The following CEACAM5 variants were observed in gnomAD, a reference collection of about 807,000 sequenced individuals.
CEACAM5 encodes cell adhesion molecule CEACAM5.
A neutral mutation model predicts 63.0 loss-of-function variants in CEACAM5; 52 were observed. That is an observed-to-expected ratio of 0.83 (90% confidence interval 0.66 to 1.04). The LOEUF (loss-of-function observed/expected upper bound fraction) is 1.04, where lower values mean the gene tolerates loss of function less well. CEACAM5 is among the 50% of genes least tolerant of loss of function. The pLI is 0.00. For synonymous variants in CEACAM5, 357 were observed against 351.3 expected, an observed-to-expected ratio of 1.02 and a Z score of -0.18; for missense variants, 790 against 864.8, an observed-to-expected ratio of 0.91 and a Z score of 1.08.
At position 41,718,220 on chromosome 19, in the gene CEACAM5, C is replaced by T. The variant is rs2072559856; in HGVS notation, c.1330C>T (p.Pro444Ser). The T allele has an allele frequency of 2.5e-6, 4 of 1,614,208 alleles. No homozygotes were observed. The highest frequency in any genetic ancestry group is 3.4e-6 in the Non-Finnish European group (4 of 1,180,034). ...CTCCTGCCATGCAGCCTCTAACCCA[C>T]CTGCACAGTATTCTTGGCTGATTGA... ...SLSCHAASNP[P>S]AQYSWLIDGN... The change falls in exon 6 of 10, where the codon CCT becomes TCT. Residue 444 changes from proline (P) to serine (S), a missense_variant. Coordinates refer to ENST00000221992, the MANE Select transcript of CEACAM5 (RefSeq NM_004363.6).
At chr19:41,713,324 AAAG>A (rs2072467129) in intron 2 of CEACAM5, among the ~76,000 whole-genome samples, 1 of 152,184 alleles carries the variant, frequency 6.6e-6, no homozygotes, top group Admixed American at 6.5e-5. Flanking sequence ...AAAAGAAAGA[AAAG>A]AAAAGAAAAA....
rs377584490 is a variant in CEACAM5, at chr19:41,709,917, T to C, written c.302T>C (p.Ile101Thr). 6.2e-7 allele frequency: 1 copy of C among 1,613,936 alleles called. No homozygotes were observed. Among genetic ancestry groups the C allele is most frequent in the Admixed American group, 1.7e-5 (1 of 60,000 alleles). Reference protein sequence around the residue: ...PGPAYSGREIIYPNASLLIQN... With the variant: ...PGPAYSGREITYPNASLLIQN... ...CCCGCATACAGTGGTCGAGAGATAA[T>C]ATACCCCAATGCATCCCTGCTGATC... Residue 101 changes from isoleucine (I) to threonine (T), a missense_variant, in exon 2 of 10, where the codon ATA (isoleucine) becomes ACA (threonine). Ile to Thr is a moderately conservative substitution (Grantham distance 89, BLOSUM62 -1). Coordinates refer to ENST00000221992, the MANE Select transcript of CEACAM5 (RefSeq NM_004363.6).
rs374912406 is a variant in CEACAM5 at position 41,715,891 on chromosome 19, G to A, written c.945G>A (p.Thr315=). The change falls in exon 4 of 10, where the codon ACG becomes ACA. Residue 315 remains threonine (T), a synonymous_variant. Transcript: ENST00000221992. ...GCCTCAATAGGACCACAGTCACGACGATCACAGTCTATGGTAAGTGGATCC... is the reference window on the plus strand; with the variant it reads ...GCCTCAATAGGACCACAGTCACGACAATCACAGTCTATGGTAAGTGGATCC... ...DTGLNRTTVT[T]ITVYAEPPKP... is the part of the protein sequence containing the mutation. 1.9e-5 allele frequency: 30 copies of A among 1,613,978 alleles called. No homozygotes were observed. In the African/African-American group the frequency reaches 2.4e-4, roughly 13 times the overall value.
chr19:41,721,329 G>C (rs1434443866), intron 8 of CEACAM5, among the ~76,000 whole-genome samples, 153 bp downstream of exon 8: 1 of 152,144 alleles, frequency 6.6e-6, no homozygotes, highest in South Asian at 2.1e-4. Context: ...ACTCCATCTC[G>C]GCCAACTCTC....
chr19:41,721,845 G>A (rs554205178), intron 8 of CEACAM5, among the ~76,000 whole-genome samples: 115 of 152,366 alleles, frequency 7.5e-4, no homozygotes, highest in Middle Eastern at 6.8e-3. Flanking sequence ...AGACTCCTGA[G>A]CTGTGTCCTG....
intron 6 of CEACAM5, among the ~76,000 whole-genome samples, chr19:41,718,662 G>A (rs1479147584): frequency 6.6e-6 from 1 of 152,234 alleles, no homozygotes; most frequent in East Asian, 1.9e-4. Flanking sequence ...AGAGGGGGAA[G>A]CAAGAAGGGT....
chr19:41,723,158 T>C (rs8106491), intron 8 of CEACAM5, among the ~76,000 whole-genome samples: 58,989 of 151,652 alleles, frequency 0.39, 12,664 homozygotes, highest in African/African-American at 0.58. Context: ...GTGATCCGCC[T>C]GCCTTGGCCT....
chr19:41,710,552 G>A (rs1259301185), intron 2 of CEACAM5, among the ~76,000 whole-genome samples: 3 of 152,152 alleles, frequency 2.0e-5, no homozygotes, highest in East Asian at 1.9e-4. Flanking sequence ...ATGCAGAATC[G>A]GACTTTCTGG....
chr19:41,717,721 C>T lies in CEACAM5; in HGVS notation c.1225C>T (p.Leu409=), dbSNP rs371025997. ...LSVDHSDPVI[L]NVLYGPDDPT... The stretch of plus-strand genomic sequence containing the variant: ...TGTTGACCACAGCGACCCAGTCATC[C>T]TGAATGTCCTCTGTGAGTATCTTCT... Residue 409 remains leucine, a synonymous_variant, in exon 5 of 10, where the codon CTG becomes TTG. Coordinates refer to ENST00000221992, the MANE Select transcript of CEACAM5 (RefSeq NM_004363.6). 5.0e-6 allele frequency: 8 copies of T among 1,613,816 alleles called. No homozygotes were observed. The highest frequency in any genetic ancestry group is 1.3e-5 in the African/African-American group (1 of 74,928).
At chr19:41,716,343 G>C (rs1207221168) in intron 4 of CEACAM5, among the ~76,000 whole-genome samples, 1 of 152,220 alleles carries the variant, frequency 6.6e-6, no homozygotes, top group Non-Finnish European at 1.5e-5. Context: ...GAAGCCCCTT[G>C]GGTGAGGGAG....
chr19:41,715,566 A>T, intron 3 of CEACAM5, 84 bp from the exon 4 acceptor site: 1 of 1,534,326 alleles, frequency 6.5e-7, no homozygotes, highest in Non-Finnish European at 9.0e-7. Flanking sequence ...TTCAGCTTAG[A>T]GGGACACTGT....
chr19:41,716,710 G>T (rs75627622), intron 4 of CEACAM5, among the ~76,000 whole-genome samples: 2,392 of 152,312 alleles, frequency 0.016, 62 homozygotes, highest in African/African-American at 0.053. Context: ...GCAGGGAATG[G>T]CAGTGTCAAA....
chr19:41,727,174 C>A, intron 8 of CEACAM5, 60 bp from the exon 9 acceptor site: 2 of 1,250,942 alleles, frequency 1.6e-6, no homozygotes, highest in Admixed American at 3.4e-5. Flanking sequence ...CTGGGGCACC[C>A]CACTGTAAAA....
In CEACAM5 at chr19:41,717,706, A is replaced by G. The variant is rs1230182712; in HGVS notation, c.1210A>G (p.Ser404Gly). 6.2e-7 allele frequency: 1 copy of G among 1,614,086 alleles called. No homozygotes were observed. The highest frequency in any genetic ancestry group is 8.5e-7 in the Non-Finnish European group (1 of 1,180,034). Reference sequence around the variant, plus strand: ...CCAGAACGAATTAAGTGTTGACCACAGCGACCCAGTCATCCTGAATGTCCT... The same window carrying G: ...CCAGAACGAATTAAGTGTTGACCACGGCGACCCAGTCATCCTGAATGTCCT... ...GIQNELSVDH[S>G]DPVILNVLYG... The change falls in exon 5 of 10, where the codon AGC becomes GGC. Residue 404 changes from serine (S) to glycine (G), a missense_variant. Physicochemically the swap from Ser to Gly is moderately conservative, Grantham distance 56 (BLOSUM62 0). Coordinates refer to ENST00000221992, the MANE Select transcript of CEACAM5 (RefSeq NM_004363.6).
intron 2 of CEACAM5, among the ~76,000 whole-genome samples, chr19:41,710,710 C>T (rs1298388902): frequency 6.6e-6 from 1 of 152,162 alleles, no homozygotes; most frequent in African/African-American, 2.4e-5. Context: ...CCATGGGAAG[C>T]TCAGTGTCCC....
intron 2 of CEACAM5, among the ~76,000 whole-genome samples, chr19:41,713,936 C>T (rs782282688): frequency 4.6e-5 from 7 of 152,122 alleles, no homozygotes; most frequent in African/African-American, 1.4e-4. Context: ...AAAGACAGGC[C>T]GGGTGCAGTG....
At chr19:41,715,330 A>G (rs184827523) in intron 3 of CEACAM5, 81 bp downstream of exon 3, 911 of 1,575,510 alleles carry the variant, frequency 5.8e-4, no homozygotes, top group Non-Finnish European at 7.5e-4. Flanking sequence ...AGTCCCTCTC[A>G]GGTTCAAGTA....
At chr19:41,715,472 C>T (rs1555814833) in intron 3 of CEACAM5, 178 bp from the exon 4 acceptor site, 1 of 1,118,706 alleles carries the variant, frequency 8.9e-7, no homozygotes, top group Admixed American at 1.9e-5. Context: ...GGGTCCACAC[C>T]CTATGATGGG....
chr19:41,723,739 A>C (rs1390448699), intron 8 of CEACAM5, among the ~76,000 whole-genome samples: 2 of 151,980 alleles, frequency 1.3e-5, no homozygotes, highest in Non-Finnish European at 2.9e-5. Flanking sequence ...CAAGGTCAGG[A>C]GATCAAGACC....
Sources: gnomAD v4.1 joint callset for allele counts (sites outside exome capture counted in the v4.1 genomes callset) on GRCh38, gnomAD v4.1.1 for gene constraint, MANE v1.5 for transcripts, NCBI Gene and HGNC (gene_info 2026-07-23, HGNC 2026-07-21) for gene names.